The following ZNF536 variants were observed in gnomAD, a reference collection of about 807,000 sequenced individuals.
ZNF536 encodes the protein zinc finger protein 536.
In ZNF536, 13 loss-of-function variants were observed where a neutral mutation model predicts 84.5. The observed-to-expected ratio is 0.15, with a 90% CI of 0.10 to 0.24. ZNF536 has a LOEUF of 0.24. Among genes scored for constraint, ZNF536 ranks in the 10% least tolerant of loss-of-function variants. The pLI, the probability that ZNF536 is intolerant of heterozygous loss-of-function variation, is 1.00. For synonymous variants in ZNF536, 811 were observed against 742.5 expected (o/e 1.09, Z -1.50); for missense variants, 1,536 against 1,747.5 (o/e 0.88, Z 2.16).
At chr19:30,321,599 G>A (rs1286484020) in intron 2 of ZNF536, among the ~76,000 whole-genome samples, 1 of 151,268 alleles carries the variant, frequency 6.6e-6, no homozygotes, top group Non-Finnish European at 1.5e-5. Context: ...ATCTTCATTC[G>A]GTACCACAAA....
intron 2 of ZNF536, among the ~76,000 whole-genome samples, chr19:30,501,646 A>G (rs1395184363): frequency 6.6e-6 from 1 of 152,182 alleles, no homozygotes; most frequent in Non-Finnish European, 1.5e-5. Flanking sequence ...GTCCATACTG[A>G]GACTCACACA....
intron 1 of ZNF536, among the ~76,000 whole-genome samples, chr19:30,263,371 G>A (rs2025328694): frequency 1.3e-5 from 2 of 152,106 alleles, no homozygotes; most frequent in Non-Finnish European, 2.9e-5. Context: ...ATCACCCGTG[G>A]AGCTGGCAGC....
intron 1 of ZNF536, among the ~76,000 whole-genome samples, chr19:30,608,055 T>C (rs1044512640): frequency 1.3e-5 from 2 of 152,362 alleles, no homozygotes; most frequent in African/African-American, 4.8e-5. Flanking sequence ...CATGCAAAAC[T>C]TCACCAAATA....
chr19:30,380,985 T>G (rs1297190599), intron 1 of ZNF536, among the ~76,000 whole-genome samples: 1 of 152,202 alleles, frequency 6.6e-6, no homozygotes. Flanking sequence ...CAGGTGATCC[T>G]CTGGCCTCAG....
chr19:30,359,280 G>A (rs554669576), intron 3 of ZNF536, among the ~76,000 whole-genome samples: 1 of 152,238 alleles, frequency 6.6e-6, no homozygotes, highest in Non-Finnish European at 1.5e-5. Flanking sequence ...CAGTGTGCAT[G>A]GTGTGGGGAG....
intron 2 of ZNF536, among the ~76,000 whole-genome samples, chr19:30,467,000 C>A (rs2053442765): frequency 6.6e-6 from 1 of 152,174 alleles, no homozygotes; most frequent in African/African-American, 2.4e-5. Context: ...ACCGCCACAC[C>A]TGGCTAATTT....
At chr19:30,449,503 A>C (rs886636233) in intron 2 of ZNF536, among the ~76,000 whole-genome samples, 2 of 152,198 alleles carry the variant, frequency 1.3e-5, no homozygotes, top group African/African-American at 4.8e-5. Flanking sequence ...AGAATAATTA[A>C]AACTTAATGT....
At chr19:30,401,530 A>G (rs1312725147) in intron 1 of ZNF536, among the ~76,000 whole-genome samples, 1 of 152,180 alleles carries the variant, frequency 6.6e-6, no homozygotes, top group Admixed American at 6.5e-5. Flanking sequence ...CACATTCCCC[A>G]GACACTACTG....
At chr19:30,566,724 C>T (rs1482604190) in intron 1 of ZNF536, among the ~76,000 whole-genome samples, 2 of 151,582 alleles carry the variant, frequency 1.3e-5, no homozygotes, top group African/African-American at 2.4e-5. Flanking sequence ...CTGTGTGTGG[C>T]CTTTCCGGAC....
intron 1 of ZNF536, among the ~76,000 whole-genome samples, chr19:30,253,256 C>T (rs1314029192): frequency 1.3e-5 from 2 of 152,122 alleles, no homozygotes; most frequent in Non-Finnish European, 2.9e-5. Context: ...TAAAAATGTG[C>T]CTTTGATTCA....
At chr19:30,572,824 A>AG (rs2046599135) in intron 1 of ZNF536, among the ~76,000 whole-genome samples, 1 of 152,192 alleles carries the variant, frequency 6.6e-6, no homozygotes, top group African/African-American at 2.4e-5. Flanking sequence ...TCTTTGTTGA[A>AG]GGGGGACATT....
chr19:30,557,080 G>T (rs2146368146), intron 4 of ZNF536, 77 bp from the exon 5 acceptor site: 2 of 1,489,398 alleles, frequency 1.3e-6, no homozygotes, highest in East Asian at 2.3e-5. Flanking sequence ...AGGGGATGTG[G>T]CCCTGCCCTT....
intron 1 of ZNF536, among the ~76,000 whole-genome samples, chr19:30,631,457 C>T (rs755630828): frequency 2.3e-4 from 35 of 152,296 alleles, no homozygotes; most frequent in Middle Eastern, 3.4e-3. Context: ...CTCCAGCAAA[C>T]GGGTTGGCTT....
At chr19:30,256,814 C>CT (rs1249463059) in intron 1 of ZNF536, among the ~76,000 whole-genome samples, 1 of 152,144 alleles carries the variant, frequency 6.6e-6, no homozygotes, top group East Asian at 1.9e-4. Context: ...ATTTTTTATT[C>CT]ATGTTGAAAA....
intron 1 of ZNF536, among the ~76,000 whole-genome samples, chr19:30,652,679 C>A (rs924664201): frequency 5.3e-5 from 8 of 152,202 alleles, no homozygotes; most frequent in African/African-American, 1.9e-4. Context: ...GTGTCTGCCT[C>A]TCCTGGGTCT....
chr19:30,352,998 C>G (rs986442077), intron 3 of ZNF536, among the ~76,000 whole-genome samples: 2 of 152,172 alleles, frequency 1.3e-5, no homozygotes, highest in Admixed American at 6.5e-5. Context: ...CACCATGATT[C>G]ATTCTGATAG....
chr19:30,605,220 A>G (rs144078048), intron 1 of ZNF536, among the ~76,000 whole-genome samples: 2,544 of 151,942 alleles, frequency 0.017, 96 homozygotes, highest in Admixed American at 0.09. Flanking sequence ...GGGGGTGCAG[A>G]TGGTTTTTGG....
intron 3 of ZNF536, among the ~76,000 whole-genome samples, chr19:30,545,658 A>G (rs887099761): frequency 1.3e-5 from 2 of 151,830 alleles, no homozygotes; most frequent in Non-Finnish European, 2.9e-5. Context: ...CGGCCTCCCA[A>G]AGTACTGGGA....
intron 1 of ZNF536, among the ~76,000 whole-genome samples, chr19:30,563,883 G>C (rs2046261396): frequency 6.6e-6 from 1 of 152,186 alleles, no homozygotes. Flanking sequence ...CCAAGGACAG[G>C]CTGGGGCACA....
Sources: gnomAD v4.1 joint callset for allele counts (sites outside exome capture counted in the v4.1 genomes callset) on GRCh38, gnomAD v4.1.1 for gene constraint, MANE v1.5 for transcripts, NCBI Gene and HGNC (gene_info 2026-07-23, HGNC 2026-07-21) for gene names.